KLHL29: variants seen among roughly 807,000 people sequenced by gnomAD.
KLHL29 encodes the protein kelch-like protein 29.
Under a neutral mutation model 80.4 loss-of-function variants are expected in KLHL29, and 21 were observed. The ratio of observed to expected loss-of-function variants is 0.26; its 90% confidence interval spans 0.19 to 0.38. The LOEUF is 0.38. KLHL29 is among the 10% of genes least tolerant of loss of function. KLHL29 has a pLI of 1.00. For missense variants in KLHL29, 867 were observed against 1,223.9 expected, an observed-to-expected ratio of 0.71 and a Z score of 4.35; for synonymous variants, 511 against 526.8, an observed-to-expected ratio of 0.97 and a Z score of 0.41.
intron 2 of KLHL29, among the ~76,000 whole-genome samples, chr2:23,561,629 C>T (rs541879035): frequency 5.9e-5 from 9 of 152,266 alleles, no homozygotes; most frequent in African/African-American, 1.9e-4. Flanking sequence ...TCAGTGAGGT[C>T]CCTCGACCCT....
intron 6 of KLHL29, among the ~76,000 whole-genome samples, chr2:23,687,969 T>C (rs1671349555): frequency 1.3e-5 from 2 of 152,048 alleles, no homozygotes; most frequent in African/African-American, 2.4e-5. Flanking sequence ...CCGAGTCCCT[T>C]TGGGCTTGGC....
chr2:23,610,776 A>G (rs1668838602), intron 3 of KLHL29, among the ~76,000 whole-genome samples: 1 of 152,232 alleles, frequency 6.6e-6, no homozygotes, highest in Non-Finnish European at 1.5e-5. Context: ...ATCACCTTCC[A>G]TTCTGGACCT....
chr2:23,592,325 C>T (rs1357627793), intron 3 of KLHL29, among the ~76,000 whole-genome samples: 2 of 152,232 alleles, frequency 1.3e-5, no homozygotes, highest in Non-Finnish European at 2.9e-5. Flanking sequence ...GTTGCCCACC[C>T]AAAGCTCCAG....
At chr2:23,533,114 C>T (rs1666551380) in intron 2 of KLHL29, among the ~76,000 whole-genome samples, 1 of 152,126 alleles carries the variant, frequency 6.6e-6, no homozygotes, top group South Asian at 2.1e-4. Flanking sequence ...TTTTCCTGAG[C>T]ACGTAAAGTG....
intron 1 of KLHL29, among the ~76,000 whole-genome samples, chr2:23,405,069 T>C (rs1027676659): frequency 1.3e-5 from 2 of 152,212 alleles, no homozygotes; most frequent in East Asian, 1.9e-4. Flanking sequence ...GAACAAATAC[T>C]GGAGTATGAT....
chr2:23,578,663 A>G (rs1016163275), intron 3 of KLHL29, among the ~76,000 whole-genome samples: 4 of 152,188 alleles, frequency 2.6e-5, no homozygotes, highest in Non-Finnish European at 4.4e-5. Context: ...CTTGCCTGTT[A>G]TGTGCTCAGT....
At chr2:23,409,130 A>C (rs999413775) in intron 1 of KLHL29, among the ~76,000 whole-genome samples, 17 of 152,174 alleles carry the variant, frequency 1.1e-4, no homozygotes, top group African/African-American at 3.9e-4. Flanking sequence ...GAGTATGAAG[A>C]ACCAGTCAGA....
intron 1 of KLHL29, among the ~76,000 whole-genome samples, chr2:23,407,596 G>T (rs549443698): frequency 3.3e-5 from 5 of 151,970 alleles, no homozygotes; most frequent in Admixed American, 1.3e-4. Flanking sequence ...TTGTATAGAT[G>T]CCTTTACTTT....
chr2:23,604,910 C>T (rs1272871971), intron 3 of KLHL29, among the ~76,000 whole-genome samples: 3 of 152,118 alleles, frequency 2.0e-5, no homozygotes, highest in African/African-American at 7.2e-5. Context: ...CAGTTGTCCC[C>T]TCAGCCGTTT....
At chr2:23,466,997 C>T (rs1443503045) in intron 1 of KLHL29, among the ~76,000 whole-genome samples, 1 of 152,188 alleles carries the variant, frequency 6.6e-6, no homozygotes, top group Non-Finnish European at 1.5e-5. Flanking sequence ...CTCATCCCAA[C>T]TCTCCTGCTG....
At chr2:23,531,011 A>G (rs1443883936) in intron 2 of KLHL29, among the ~76,000 whole-genome samples, 1 of 152,238 alleles carries the variant, frequency 6.6e-6, no homozygotes, top group East Asian at 1.9e-4. Context: ...GTGGCCTCAC[A>G]GAAGGGTTCG....
chr2:23,500,484 G>A (rs1331636227), intron 2 of KLHL29, among the ~76,000 whole-genome samples: 2 of 152,150 alleles, frequency 1.3e-5, no homozygotes, highest in African/African-American at 4.8e-5. Context: ...ACCAATGTTA[G>A]GAAAACTGCC....
intron 7 of KLHL29, among the ~76,000 whole-genome samples, chr2:23,692,554 A>G (rs907933024): frequency 6.6e-6 from 1 of 152,218 alleles, no homozygotes; most frequent in Non-Finnish European, 1.5e-5. Context: ...GTGAGGACAG[A>G]GGGGCACCAA....
chr2:23,584,738 T>C (rs983947046), intron 3 of KLHL29, among the ~76,000 whole-genome samples: 1 of 152,124 alleles, frequency 6.6e-6, no homozygotes, highest in Non-Finnish European at 1.5e-5. Flanking sequence ...ATTTTATTTA[T>C]TATTATTTCT....
chr2:23,511,904 T>G (rs924381658), intron 2 of KLHL29, among the ~76,000 whole-genome samples: 8 of 152,078 alleles, frequency 5.3e-5, no homozygotes, highest in Admixed American at 2.0e-4. Flanking sequence ...AGGTGAGAGT[T>G]GATGTTGTTT....
intron 2 of KLHL29, among the ~76,000 whole-genome samples, chr2:23,554,697 T>C (rs1234350566): frequency 6.6e-6 from 1 of 152,164 alleles, no homozygotes; most frequent in African/African-American, 2.4e-5. Context: ...GCAGGCACTC[T>C]CCGGGCCCAG....
intron 2 of KLHL29, among the ~76,000 whole-genome samples, chr2:23,508,177 T>C (rs1665659593): frequency 6.6e-6 from 1 of 152,198 alleles, no homozygotes; most frequent in African/African-American, 2.4e-5. Context: ...TCCAGTCCTG[T>C]TGTGTAACAA....
chr2:23,676,691 GA>G (rs562898157), intron 5 of KLHL29, among the ~76,000 whole-genome samples: 269 of 152,334 alleles, frequency 1.8e-3, no homozygotes, highest in African/African-American at 6.2e-3. Context: ...GCAAGTGTAG[GA>G]GAAACCCTGG....
At position 23,615,491 on chromosome 2, in the gene KLHL29, G is replaced by A. The variant is rs182906605; in HGVS notation, c.286-23648G>A. Among the ~76,000 whole-genome samples the A allele has an allele frequency of 4.6e-5, 7 of 152,268 alleles. No homozygotes were observed. In the East Asian group the frequency reaches 1.4e-3, roughly 29 times the overall value. On this transcript the variant is annotated intron_variant, in intron 3 of 13. Coordinates refer to ENST00000486442, the MANE Select transcript of KLHL29 (RefSeq NM_052920.2). ...CTCTGCTGCAGGGAGCTCTGAGTCA[G>A]CCTGTAGAAAGGGGTGCGGTGGCCA...
Sources: gnomAD v4.1 joint callset for allele counts (sites outside exome capture counted in the v4.1 genomes callset) on GRCh38, gnomAD v4.1.1 for gene constraint, MANE v1.5 for transcripts, NCBI Gene and HGNC (gene_info 2026-07-23, HGNC 2026-07-21) for gene names.